The following ZNF469 variants were observed in gnomAD, a reference collection of about 807,000 sequenced individuals.
The protein encoded by ZNF469 is zinc finger protein 469.
A neutral mutation model predicts 1.0 loss-of-function variants in ZNF469; 1 was observed. That is an observed-to-expected ratio of 1.00 (90% CI 0.35 to 4.73). The LOEUF (loss-of-function observed/expected upper bound fraction) is 4.73, where lower values mean the gene tolerates loss of function less well. ZNF469 is among the 30% of genes most tolerant of loss of function. The pLI is 0.16. For synonymous variants in ZNF469, 2,703 were observed against 2,363.4 expected (o/e 1.14, Z -4.17); for missense variants, 6,100 against 5,356.3 (o/e 1.14, Z -4.33).
chr16:88,134,328 G>T, the ZNF469 span, among the ~76,000 whole-genome samples: 1 of 152,164 alleles, frequency 6.6e-6, no homozygotes, highest in Non-Finnish European at 1.5e-5. Context: ...CACTCTTTGG[G>T]CAAACGTTTA....
At chr16:88,347,188 A>G in the ZNF469 span, among the ~76,000 whole-genome samples, 3 of 152,114 alleles carry the variant, frequency 2.0e-5, no homozygotes, top group Non-Finnish European at 4.4e-5. Flanking sequence ...ACCCACACCT[A>G]TGAGGCAATG....
chr16:88,386,871 C>T (rs1420061939), intron 1 of ZNF469, among the ~76,000 whole-genome samples: 1 of 149,684 alleles, frequency 6.7e-6, no homozygotes, highest in African/African-American at 2.5e-5. Flanking sequence ...TGGCTCAGGG[C>T]CTGTTTCTTT....
the ZNF469 span, among the ~76,000 whole-genome samples, chr16:88,229,547 A>T: frequency 6.6e-6 from 1 of 151,734 alleles, no homozygotes; most frequent in Non-Finnish European, 1.5e-5. Flanking sequence ...ACGCGTGTGG[A>T]TGTCACACGT....
the ZNF469 span, among the ~76,000 whole-genome samples, chr16:88,307,430 A>G: frequency 7.2e-5 from 11 of 152,234 alleles, no homozygotes; most frequent in Non-Finnish European, 1.6e-4. Context: ...CTGTTTTTCC[A>G]AAGAGGTTGC....
At chr16:88,239,116 C>G in the ZNF469 span, among the ~76,000 whole-genome samples, 1 of 152,056 alleles carries the variant, frequency 6.6e-6, no homozygotes, top group African/African-American at 2.4e-5. Context: ...GGGTCTAGCT[C>G]TGTGTAGATT....
At chr16:88,295,664 C>T in the ZNF469 span, among the ~76,000 whole-genome samples, 2 of 152,288 alleles carry the variant, frequency 1.3e-5, no homozygotes, top group South Asian at 2.1e-4. Context: ...GGCCTACACT[C>T]GGTGCACACA....
the ZNF469 span, among the ~76,000 whole-genome samples, chr16:88,101,431 T>A: frequency 6.6e-6 from 1 of 152,132 alleles, no homozygotes; most frequent in South Asian, 2.1e-4. Flanking sequence ...TTGTCTTCTC[T>A]CCTTTTTGTG....
the ZNF469 span, among the ~76,000 whole-genome samples, chr16:88,352,933 G>A: frequency 6.6e-6 from 1 of 152,184 alleles, no homozygotes; most frequent in Non-Finnish European, 1.5e-5. Flanking sequence ...CTGGGAGGTG[G>A]GGGCAGAGAG....
chr16:88,276,012 G>T, the ZNF469 span, among the ~76,000 whole-genome samples: 6 of 152,170 alleles, frequency 3.9e-5, no homozygotes, highest in Non-Finnish European at 8.8e-5. Context: ...GGACCACAGC[G>T]CTGCAGTCCT....
At chr16:88,167,318 T>G in the ZNF469 span, among the ~76,000 whole-genome samples, 2 of 152,148 alleles carry the variant, frequency 1.3e-5, no homozygotes, top group Non-Finnish European at 2.9e-5. Flanking sequence ...CGCCTCGGCC[T>G]CTCAAAGTGC....
the ZNF469 span, among the ~76,000 whole-genome samples, chr16:88,262,986 G>A: frequency 6.6e-6 from 1 of 152,258 alleles, no homozygotes; most frequent in Non-Finnish European, 1.5e-5. The surrounding 1 kb of genome is among the most constrained non-coding windows in gnomAD (Gnocchi z 4.3). Flanking sequence ...ATTAGCGACA[G>A]CTGGGGATCG....
the ZNF469 span, among the ~76,000 whole-genome samples, chr16:88,271,130 G>C: frequency 1.1e-4 from 16 of 151,898 alleles, no homozygotes; most frequent in Non-Finnish European, 1.9e-4. Flanking sequence ...TGCCTTATAG[G>C]GTTGTTGAAA....
At chr16:88,319,125 C>A in the ZNF469 span, among the ~76,000 whole-genome samples, 4 of 152,166 alleles carry the variant, frequency 2.6e-5, no homozygotes, top group Non-Finnish European at 5.9e-5. Context: ...TTCCCATGAC[C>A]GGCCACTGTC....
the ZNF469 span, among the ~76,000 whole-genome samples, chr16:88,236,389 A>C: frequency 6.6e-6 from 1 of 152,266 alleles, no homozygotes; most frequent in Admixed American, 6.5e-5. Flanking sequence ...CTGTGCTGTC[A>C]GTCTTAAAGT....
chr16:88,271,540 T>C, the ZNF469 span, among the ~76,000 whole-genome samples: 1 of 140,482 alleles, frequency 7.1e-6, no homozygotes. Flanking sequence ...GGAAGCTGCC[T>C]GATGACGCTG....
At position 88,434,188 on chromosome 16, in the gene ZNF469, C is replaced by G. The variant is rs1906402050; in HGVS notation, c.6718C>G (p.His2240Asp). The G allele has an allele frequency of 6.5e-7, 1 of 1,550,282 alleles. No homozygotes were observed. The highest frequency in any genetic ancestry group is 2.0e-5 in the Admixed American group (1 of 50,998). ...CTCCGTCAGTGCTGTAACCTGCACT[C>G]ACAGTGGGGACACCCCCAAAGACAG... is the stretch of plus-strand genomic sequence containing the variant. ...PGSVSAVTCT[H>D]SGDTPKDSTL... Residue 2240 changes from histidine (H) to aspartate (D), a missense_variant, in exon 3 of 3, where the codon CAC (histidine) becomes GAC (aspartate). Transcript: ENST00000565624.
chr16:88,134,237 G>A, the ZNF469 span, among the ~76,000 whole-genome samples: 16 of 152,168 alleles, frequency 1.1e-4, no homozygotes, highest in South Asian at 1.0e-3. Flanking sequence ...TTTTCTACCC[G>A]GTGGTATTTT....
the ZNF469 span, among the ~76,000 whole-genome samples, chr16:88,287,046 A>G: frequency 1.7e-3 from 265 of 152,332 alleles, no homozygotes; most frequent in African/African-American, 6.0e-3. Context: ...CCCTATAACT[A>G]GTGTCCCCAA....
chr16:88,150,873 T>A, the ZNF469 span, among the ~76,000 whole-genome samples: 1 of 151,936 alleles, frequency 6.6e-6, no homozygotes, highest in Non-Finnish European at 1.5e-5. Flanking sequence ...CTGCGCCACG[T>A]CATTCATCTC....
Sources: allele counts gnomAD v4.1 joint callset (sites outside exome capture counted in the v4.1 genomes callset), GRCh38; gene constraint gnomAD v4.1.1; non-coding constraint Gnocchi (gnomAD v3.1); transcripts MANE v1.5; gene names NCBI Gene and HGNC (gene_info 2026-07-23, HGNC 2026-07-21).